CTNNA3: variants seen among roughly 807,000 people sequenced by gnomAD.
The protein encoded by CTNNA3 is catenin alpha-3.
In CTNNA3, 76 loss-of-function variants were observed where a neutral mutation model predicts 95.7. That is an observed-to-expected ratio of 0.79 (90% CI 0.66 to 0.96). CTNNA3 has a LOEUF of 0.96. Ranked by LOEUF, CTNNA3 falls within the 40% of genes least tolerant of loss-of-function variation. The probability of loss-of-function intolerance (pLI) is 0.00; values close to 1 mark genes in which losing one functional copy is unlikely to be tolerated. For synonymous variants in CTNNA3, 431 were observed against 374.4 expected (o/e 1.15, Z -1.74); for missense variants, 1,191 against 1,089.8 (o/e 1.09, Z -1.31).
chr10:66,902,387 A>AGAT (rs1252808551), intron 7 of CTNNA3, among the ~76,000 whole-genome samples: 3 of 152,214 alleles, frequency 2.0e-5, no homozygotes, highest in African/African-American at 7.2e-5. Context: ...AGCAGTATGT[A>AGAT]GATGGAAATT....
chr10:66,693,891 T>C (rs1231842107), intron 9 of CTNNA3, among the ~76,000 whole-genome samples: 1 of 151,928 alleles, frequency 6.6e-6, no homozygotes, highest in Admixed American at 6.6e-5. Context: ...AAGACAGAAA[T>C]AAAGATGTTC....
chr10:67,604,475 A>G (rs887688024), intron 3 of CTNNA3, among the ~76,000 whole-genome samples: 3 of 152,220 alleles, frequency 2.0e-5, no homozygotes, highest in African/African-American at 4.8e-5. Flanking sequence ...TAAAATGAGC[A>G]TATTTTCATT....
intron 1 of CTNNA3, among the ~76,000 whole-genome samples, chr10:67,749,122 CCCT>C (rs1841390669): frequency 6.6e-6 from 1 of 152,080 alleles, no homozygotes; most frequent in Non-Finnish European, 1.5e-5. Flanking sequence ...TATATATGCA[CCCT>C]ATTTATGCAT....
chr10:66,146,062 C>T (rs1259953675), intron 13 of CTNNA3, among the ~76,000 whole-genome samples: 2 of 152,118 alleles, frequency 1.3e-5, no homozygotes, highest in Non-Finnish European at 1.5e-5. Flanking sequence ...CCATGTTGGC[C>T]AGGATGGTCT....
intron 11 of CTNNA3, among the ~76,000 whole-genome samples, chr10:66,518,619 A>G (rs1032377427): frequency 6.6e-6 from 1 of 152,146 alleles, no homozygotes; most frequent in Non-Finnish European, 1.5e-5. Context: ...ACATAAATGA[A>G]TAAGTTCTTG....
In CTNNA3 at chr10:66,388,239, A is replaced by C. The variant is rs561401645; in HGVS notation, c.1532-8887T>G. ...TTTTATATTGTAGAGCTATTTTCTT[A>C]GTCCTATAAAAGTGAAAGAATATTT... On this transcript the variant is annotated intron_variant, in intron 11 of 17. Transcript: ENST00000433211. 2.0e-5 allele frequency among the ~76,000 whole-genome samples: 3 copies of C among 152,286 alleles called. No homozygotes were observed. The South Asian group carries it at 6.2e-4, about 32-fold the overall frequency.
intron 7 of CTNNA3, among the ~76,000 whole-genome samples, chr10:67,179,058 C>A (rs1862378419): frequency 6.6e-6 from 1 of 152,028 alleles, no homozygotes; most frequent in Admixed American, 6.6e-5. Flanking sequence ...GAAGGGTCTT[C>A]AAAATGCACC....
chr10:66,487,507 C>T (rs549819433), intron 11 of CTNNA3, among the ~76,000 whole-genome samples: 1 of 151,870 alleles, frequency 6.6e-6, no homozygotes, highest in Non-Finnish European at 1.5e-5. Context: ...ATTACAGGCG[C>T]GGAGCCACTG....
rs200855063 is a variant in CTNNA3, at chr10:67,109,009, TTC to T, written c.1047+71306_1047+71307del. Among the ~76,000 whole-genome samples the T allele has an allele frequency of 8.5e-3, 1,291 of 152,304 alleles. 12 individuals are homozygous for T. Among genetic ancestry groups the T allele is most frequent in the Non-Finnish European group, 0.013 (897 of 68,024 alleles). The stretch of plus-strand genomic sequence containing the variant: ...TAAATTCAATGTACTGTCAGAAGTT[TTC>T]TGTTTTGTTTTGTTTTTAAAAATGT... On this transcript the variant is annotated intron_variant, in intron 7 of 17. Transcript: ENST00000433211.
chr10:66,578,755 T>C (rs1843085088), intron 10 of CTNNA3, among the ~76,000 whole-genome samples: 2 of 150,416 alleles, frequency 1.3e-5, no homozygotes, highest in Non-Finnish European at 3.0e-5. Flanking sequence ...TCTCTGTTCA[T>C]TGGGGATATT....
At chr10:67,390,691 A>C in intron 5 of CTNNA3, among the ~76,000 whole-genome samples, 1 of 150,068 alleles carries the variant, frequency 6.7e-6, no homozygotes, top group African/African-American at 2.5e-5. Flanking sequence ...GCAGCACATC[A>C]AAAAGCTTAT....
chr10:66,052,182 T>G (rs2079972761), intron 15 of CTNNA3, among the ~76,000 whole-genome samples: 1 of 152,154 alleles, frequency 6.6e-6, no homozygotes, highest in South Asian at 2.1e-4. Flanking sequence ...CATTCTTACA[T>G]TTTAAGTGCC....
At chr10:67,402,628 G>A (rs1276078829) in intron 5 of CTNNA3, among the ~76,000 whole-genome samples, 1 of 152,146 alleles carries the variant, frequency 6.6e-6, no homozygotes, top group Non-Finnish European at 1.5e-5. Context: ...CAAAGCCAAG[G>A]GAACCCCCAC....
chr10:67,050,116 T>C (rs1854990016), intron 7 of CTNNA3, among the ~76,000 whole-genome samples: 1 of 152,230 alleles, frequency 6.6e-6, no homozygotes, highest in Non-Finnish European at 1.5e-5. Context: ...CTGATTTCCA[T>C]TGCCCGGATT....
chr10:67,736,969 T>A (rs1841306284), intron 1 of CTNNA3, among the ~76,000 whole-genome samples: 1 of 151,210 alleles, frequency 6.6e-6, no homozygotes, highest in Non-Finnish European at 1.5e-5. Context: ...TTTATTTTAA[T>A]TTTTTTTTGG....
chr10:66,936,190 A>C (rs941444025), intron 7 of CTNNA3, among the ~76,000 whole-genome samples: 2 of 152,198 alleles, frequency 1.3e-5, no homozygotes, highest in African/African-American at 4.8e-5. Flanking sequence ...GGTCTAACAC[A>C]CACAGATGTG....
intron 14 of CTNNA3, among the ~76,000 whole-genome samples, chr10:66,099,359 A>T: frequency 6.6e-6 from 1 of 152,214 alleles, no homozygotes; most frequent in Admixed American, 6.5e-5. Flanking sequence ...AATTACAGCA[A>T]TTACAGCTAG....
chr10:66,913,111 C>T (rs1166451003), intron 7 of CTNNA3, among the ~76,000 whole-genome samples: 1 of 151,580 alleles, frequency 6.6e-6, no homozygotes, highest in Non-Finnish European at 1.5e-5. Context: ...CTGTGGCAGG[C>T]GCCTGTAGTC....
intron 3 of CTNNA3, among the ~76,000 whole-genome samples, chr10:67,568,762 C>T (rs1273665908): frequency 1.3e-5 from 2 of 152,022 alleles, no homozygotes; most frequent in Admixed American, 6.6e-5. Flanking sequence ...TCTACTTGTT[C>T]AACAATGTTG....
Sources: gnomAD v4.1 joint callset for allele counts (sites outside exome capture counted in the v4.1 genomes callset) on GRCh38, gnomAD v4.1.1 for gene constraint, MANE v1.5 for transcripts, NCBI Gene and HGNC (gene_info 2026-07-23, HGNC 2026-07-21) for gene names.